PLXNA4: variants seen among roughly 807,000 people sequenced by gnomAD.
The protein encoded by PLXNA4 is plexin-A4.
PLXNA4 carries 44 observed loss-of-function variants against 191.8 expected under a neutral mutation model. The ratio of observed to expected loss-of-function variants is 0.23; its 90% CI spans 0.18 to 0.29. The LOEUF is 0.29. Ranked by LOEUF, PLXNA4 falls within the 10% of genes least tolerant of loss-of-function variation. The probability of loss-of-function intolerance (pLI) is 1.00; values close to 1 mark genes in which losing one functional copy is unlikely to be tolerated. For synonymous variants in PLXNA4, 1,082 were observed against 1,009.5 expected (o/e 1.07, Z -1.36); for missense variants, 1,800 against 2,488.8 (o/e 0.72, Z 5.89).
chr7:132,604,149 G>A (rs537717475), intron 2 of PLXNA4, among the ~76,000 whole-genome samples: 127 of 152,126 alleles, frequency 8.3e-4, no homozygotes, highest in Middle Eastern at 3.4e-3. Flanking sequence ...GTGTTCTGGC[G>A]GGGGGCACCT....
intron 3 of PLXNA4, among the ~76,000 whole-genome samples, chr7:132,353,956 T>C (rs950852804): frequency 3.3e-5 from 5 of 152,202 alleles, no homozygotes; most frequent in African/African-American, 1.2e-4. Flanking sequence ...TCTGTTTTCC[T>C]CATGGAGCCT....
chr7:132,437,896 A>C (rs1238217378), intron 3 of PLXNA4, among the ~76,000 whole-genome samples: 1 of 152,178 alleles, frequency 6.6e-6, no homozygotes, highest in Non-Finnish European at 1.5e-5. Flanking sequence ...CCACTGAGAA[A>C]GAGAGGTGAA....
intron 3 of PLXNA4, among the ~76,000 whole-genome samples, chr7:132,469,812 A>T (rs1377079149): frequency 6.6e-6 from 1 of 152,252 alleles, no homozygotes; most frequent in Non-Finnish European, 1.5e-5. Context: ...GTTAAGCGGA[A>T]GATGGCAGTA....
chr7:132,605,962 G>A (rs1019376670), intron 2 of PLXNA4, among the ~76,000 whole-genome samples: 42 of 152,094 alleles, frequency 2.8e-4, no homozygotes, highest in African/African-American at 8.9e-4. Flanking sequence ...CCAGGAGTTC[G>A]AGACAAGCCT....
intron 16 of PLXNA4, among the ~76,000 whole-genome samples, chr7:132,182,731 G>C (rs1048057448): frequency 6.6e-6 from 1 of 152,194 alleles, no homozygotes; most frequent in Admixed American, 6.5e-5. Context: ...GAGGGTCCAT[G>C]AATGCAAATG....
At chr7:132,358,873 G>A (rs1803816963) in intron 3 of PLXNA4, among the ~76,000 whole-genome samples, 1 of 152,142 alleles carries the variant, frequency 6.6e-6, no homozygotes, top group South Asian at 2.1e-4. Flanking sequence ...AGACAGGCAG[G>A]GCCAGACAAG....
intron 3 of PLXNA4, among the ~76,000 whole-genome samples, chr7:132,456,831 C>T (rs907315630): frequency 6.6e-6 from 1 of 152,232 alleles, no homozygotes; most frequent in Non-Finnish European, 1.5e-5. Context: ...TTGGATGGAA[C>T]TGGTTCCTAC....
intron 1 of PLXNA4, among the ~76,000 whole-genome samples, chr7:132,515,243 A>T (rs2116319296): frequency 6.6e-6 from 1 of 152,316 alleles, no homozygotes; most frequent in Middle Eastern, 3.4e-3. Flanking sequence ...GGAAGAATGA[A>T]GCCAAAGTAC....
intron 9 of PLXNA4, among the ~76,000 whole-genome samples, chr7:132,220,538 C>T (rs2116943030): frequency 1.3e-5 from 2 of 152,300 alleles, no homozygotes; most frequent in South Asian, 4.1e-4. Context: ...CATACTATGG[C>T]TCATGGGAAA....
At chr7:132,338,156 T>G (rs569375247) in intron 3 of PLXNA4, among the ~76,000 whole-genome samples, 5 of 152,336 alleles carry the variant, frequency 3.3e-5, no homozygotes, top group African/African-American at 1.2e-4. Context: ...CTCTTAAAAT[T>G]TCCAATTTCT....
intron 2 of PLXNA4, among the ~76,000 whole-genome samples, chr7:132,645,092 C>T (rs909704427): frequency 2.0e-5 from 3 of 152,174 alleles, no homozygotes; most frequent in Non-Finnish European, 2.9e-5. Flanking sequence ...GCCACAGGGG[C>T]GAGCCACCTG....
intron 4 of PLXNA4, among the ~76,000 whole-genome samples, chr7:132,290,285 T>C (rs1800836593): frequency 6.6e-6 from 1 of 152,206 alleles, no homozygotes; most frequent in Non-Finnish European, 1.5e-5. Flanking sequence ...GGCTGGTGTG[T>C]GGAGAGGCAG....
intron 3 of PLXNA4, among the ~76,000 whole-genome samples, chr7:132,420,090 C>G (rs1318042910): frequency 6.6e-6 from 1 of 152,216 alleles, no homozygotes; most frequent in African/African-American, 2.4e-5. Context: ...CTTCTGGCAT[C>G]TACAAATAGG....
intron 2 of PLXNA4, among the ~76,000 whole-genome samples, chr7:132,609,848 C>T (rs1991313): frequency 0.72 from 109,849 of 152,072 alleles, 41,047 homozygotes; most frequent in South Asian, 0.88. Context: ...ATTGACTCTG[C>T]GTCCTGTAGG....
At chr7:132,627,704 GCA>G (rs1321317795) in intron 2 of PLXNA4, among the ~76,000 whole-genome samples, 1 of 152,088 alleles carries the variant, frequency 6.6e-6, no homozygotes, top group Non-Finnish European at 1.5e-5. Flanking sequence ...CCATGTGAAG[GCA>G]CAGTATTTGC....
intron 2 of PLXNA4, among the ~76,000 whole-genome samples, chr7:132,604,281 G>A (rs893138535): frequency 6.6e-6 from 1 of 152,154 alleles, no homozygotes; most frequent in Non-Finnish European, 1.5e-5. Context: ...GAGCTGATGG[G>A]GACCCTGTGC....
chr7:132,188,110 C>A (rs1345071549), intron 14 of PLXNA4, among the ~76,000 whole-genome samples: 6 of 152,118 alleles, frequency 3.9e-5, no homozygotes, highest in African/African-American at 1.2e-4. Context: ...TAAACTGTCT[C>A]TCCCACAGGT....
intron 3 of PLXNA4, among the ~76,000 whole-genome samples, chr7:132,354,006 T>G (rs1803596790): frequency 6.6e-6 from 1 of 152,126 alleles, no homozygotes; most frequent in East Asian, 1.9e-4. Flanking sequence ...CCCCAACACA[T>G]GTCCTCATTG....
intron 1 of PLXNA4, among the ~76,000 whole-genome samples, chr7:132,565,668 C>T (rs371599302): frequency 2.0e-5 from 3 of 152,118 alleles, no homozygotes; most frequent in South Asian, 2.1e-4. Context: ...AAGAGAATGC[C>T]ATGAATAGTC....
Sources: allele counts gnomAD v4.1 joint callset (sites outside exome capture counted in the v4.1 genomes callset), GRCh38; gene constraint gnomAD v4.1.1; transcripts MANE v1.5; gene names NCBI Gene and HGNC (gene_info 2026-07-23, HGNC 2026-07-21).